LRRK1: variants seen among roughly 807,000 people sequenced by gnomAD.
LRRK1 encodes leucine-rich repeat serine/threonine-protein kinase 1.
Under a neutral mutation model 209.1 loss-of-function variants are expected in LRRK1, and 113 were observed. That is an observed-to-expected ratio of 0.54 (90% confidence interval 0.46 to 0.63). The LOEUF (loss-of-function observed/expected upper bound fraction) is 0.63, where lower values mean the gene tolerates loss of function less well. Among genes scored for constraint, LRRK1 ranks in the 30% least tolerant of loss-of-function variants. The pLI, the probability that LRRK1 is intolerant of heterozygous loss-of-function variation, is 0.00. For missense variants in LRRK1, 2,284 were observed against 2,632.2 expected (o/e 0.87, Z 2.89); for synonymous variants, 1,144 against 1,099.7 (o/e 1.04, Z -0.80).
intron 3 of LRRK1, among the ~76,000 whole-genome samples, chr15:100,983,225 A>T (rs1225114610): frequency 1.3e-5 from 2 of 152,254 alleles, no homozygotes; most frequent in African/African-American, 4.8e-5. Flanking sequence ...ATAAAATGTT[A>T]ATATTATTTA....
intron 3 of LRRK1, among the ~76,000 whole-genome samples, chr15:100,978,514 T>G (rs1266506742): frequency 6.7e-6 from 1 of 149,378 alleles, no homozygotes; most frequent in Admixed American, 6.6e-5. Flanking sequence ...AACATTGCCT[T>G]TAGGGGAAAA....
At chr15:100,936,990 A>T (rs940938884) in intron 2 of LRRK1, among the ~76,000 whole-genome samples, 2 of 152,230 alleles carry the variant, frequency 1.3e-5, no homozygotes, top group Non-Finnish European at 2.9e-5. Context: ...CAAGAAGCAG[A>T]ATACATCACT....
chr15:101,037,277 G>A (rs1223894119), intron 20 of LRRK1, among the ~76,000 whole-genome samples: 4 of 152,170 alleles, frequency 2.6e-5, no homozygotes, highest in South Asian at 2.1e-4. Context: ...ACAGGGCCAC[G>A]GGTGACATGT....
chr15:101,011,323 A>AT (rs556095323), intron 9 of LRRK1, among the ~76,000 whole-genome samples: 12 of 151,886 alleles, frequency 7.9e-5, no homozygotes, highest in Admixed American at 5.9e-4. Context: ...AAAAAAAAAA[A>AT]AAATAAGCTG....
At chr15:101,021,767 C>CGT (rs1183577019) in intron 13 of LRRK1, 78 bp from the exon 14 acceptor site, 1 of 901,140 alleles carries the variant, frequency 1.1e-6, no homozygotes, top group African/African-American at 2.5e-5. Context: ...ACAGGAGCCA[C>CGT]GTGTGTGCGT....
At chr15:101,052,039 C>A in intron 24 of LRRK1, 79 bp downstream of exon 24, 1 of 1,521,992 alleles carries the variant, frequency 6.6e-7, no homozygotes, top group Non-Finnish European at 8.9e-7. Flanking sequence ...CGAGTGATCT[C>A]CAGGAAGACC....
chr15:101,010,825 G>T lies in LRRK1; in HGVS notation c.1269G>T (p.Trp423Cys). ...RNNLKVFPDPWACPLKCCKAS... is the reference protein window; with the variant it reads ...RNNLKVFPDPCACPLKCCKAS... The stretch of plus-strand genomic sequence containing the variant: ...ACCTGAAGGTGTTTCCAGATCCCTG[G>T]GCCTGCCCTTTGGTGAGTATCACAC... The change falls in exon 9 of 34, where the codon TGG (tryptophan) becomes TGT (cysteine). Residue 423 changes from tryptophan to cysteine, a missense_variant. Physicochemically the swap from Trp to Cys is radical, Grantham distance 215. This residue lies in a region of LRRK1 where 494 missense variants were observed against 522.1 expected (regional missense o/e 0.95). Transcript: ENST00000388948. The T allele has an allele frequency of 6.2e-7, 1 of 1,611,888 alleles. No individual in the cohort carries two copies. Among genetic ancestry groups the T allele is most frequent in the Non-Finnish European group, 8.5e-7 (1 of 1,179,456 alleles).
intron 12 of LRRK1, among the ~76,000 whole-genome samples, chr15:101,020,368 ACT>A (rs2033721778): frequency 7.3e-6 from 1 of 136,924 alleles, no homozygotes; most frequent in Non-Finnish European, 1.5e-5. Flanking sequence ...CCGGTTCTGA[ACT>A]TTTTTTTTTT....
rs2035902763 is a variant in LRRK1 at position 101,057,874 on chromosome 15, G to A, written c.4528-116G>A. ...TCAGCCTCTTGTTTGGATCTAGTCTGAATGAACAGAATCCCTCATTCCTCC... is the reference window on the plus strand; with the variant it reads ...TCAGCCTCTTGTTTGGATCTAGTCTAAATGAACAGAATCCCTCATTCCTCC... On this transcript the variant is annotated intron_variant, in intron 28 of 33. Coordinates refer to ENST00000388948, the MANE Select transcript of LRRK1 (RefSeq NM_024652.6). 1.1e-5 allele frequency: 13 copies of A among 1,156,746 alleles called. No individual in the cohort carries two copies. The South Asian group carries it at 1.8e-4, about 16-fold the overall frequency. The allele number at this position is 1,156,746 out of a possible 1,614,324, so 71.7% of individuals were successfully genotyped here.
chr15:101,068,626 A>C, intron 33 of LRRK1, 45 bp from the exon 34 acceptor site: 1 of 1,525,048 alleles, frequency 6.6e-7, no homozygotes, highest in Non-Finnish European at 8.8e-7. Context: ...ACCCCACCCG[A>C]GTGGGAACCC....
intron 13 of LRRK1, 32 bp from the exon 14 acceptor site, chr15:101,021,813 T>TC (rs2033808078): frequency 9.7e-7 from 1 of 1,034,926 alleles, no homozygotes; most frequent in Non-Finnish European, 1.5e-6. Flanking sequence ...TGTGTGTGTG[T>TC]ATTCTCTCGT....
At chr15:101,063,427 G>T (rs898314108) in intron 31 of LRRK1, among the ~76,000 whole-genome samples, 4 of 152,200 alleles carry the variant, frequency 2.6e-5, no homozygotes, top group African/African-American at 9.6e-5. Context: ...CTCCGATTCA[G>T]TTCTCAAGAC....
At position 101,062,685 on chromosome 15, in the gene LRRK1, A is replaced by T. The variant is rs746379912; in HGVS notation, c.4909A>T (p.Lys1637Ter). The T allele has an allele frequency of 6.2e-7, 1 of 1,611,290 alleles. No homozygotes were observed. Among genetic ancestry groups the T allele is most frequent in the Non-Finnish European group, 8.5e-7 (1 of 1,177,342 alleles). ...VTCFLAVPVI[K>*]KNSYLVLAGL... is the part of the protein sequence containing the mutation. ...CTGCTTCTTGGCCGTGCCTGTTATT[A>T]AAAAGGTGAGGTCGGGGCAAAGGCA... is the stretch of plus-strand genomic sequence containing the variant. The change falls in exon 31 of 34, where the codon AAA becomes TAA. Residue 1637 changes from lysine to a stop codon, truncating the protein, a stop_gained. Transcript: ENST00000388948. LOFTEE classifies it high-confidence loss of function.
intron 2 of LRRK1, among the ~76,000 whole-genome samples, chr15:100,958,728 C>A (rs995299727): frequency 2.0e-5 from 3 of 152,198 alleles, no homozygotes; most frequent in African/African-American, 7.2e-5. Context: ...CTTCCATCCA[C>A]TTGACCCTCA....
At chr15:101,054,842 G>A (rs2035700917) in intron 26 of LRRK1, 104 bp from the exon 27 acceptor site, 2 of 1,036,236 alleles carry the variant, frequency 1.9e-6, no homozygotes, top group Non-Finnish European at 1.4e-6. Context: ...AAATCATAAA[G>A]TATCTAGGGA....
intron 2 of LRRK1, among the ~76,000 whole-genome samples, chr15:100,932,479 G>A (rs574824088): frequency 6.6e-6 from 1 of 152,160 alleles, no homozygotes; most frequent in East Asian, 1.9e-4. Context: ...CTTATTAAAG[G>A]GTCTTTAGAT....
At chr15:101,068,624 C>G (rs746020348) in intron 33 of LRRK1, 47 bp from the exon 34 acceptor site, 7 of 1,524,722 alleles carry the variant, frequency 4.6e-6, no homozygotes, top group Non-Finnish European at 4.4e-6. Flanking sequence ...CAACCCCACC[C>G]GAGTGGGAAC....
chr15:100,985,601 A>G (rs991315568), intron 4 of LRRK1, among the ~76,000 whole-genome samples: 5 of 152,234 alleles, frequency 3.3e-5, no homozygotes, highest in African/African-American at 1.2e-4. Context: ...TGGGCTTTGC[A>G]GAGTGAATAG....
chr15:100,993,737 G>GA (rs1270839290), intron 6 of LRRK1, among the ~76,000 whole-genome samples: 2 of 152,084 alleles, frequency 1.3e-5, no homozygotes, highest in African/African-American at 4.8e-5. Context: ...TTGAACGAGG[G>GA]ATCCACCCAC....
Sources: allele counts gnomAD v4.1 joint callset (sites outside exome capture counted in the v4.1 genomes callset), GRCh38; gene constraint gnomAD v4.1.1; regional missense constraint gnomAD v4.1.1; transcripts MANE v1.5; gene names NCBI Gene and HGNC (gene_info 2026-07-23, HGNC 2026-07-21).